The following RBFOX1 variants were observed in gnomAD, a reference collection of about 807,000 sequenced individuals.
RBFOX1 encodes the protein RNA binding protein fox-1 homolog 1.
Under a neutral mutation model 57.7 loss-of-function variants are expected in RBFOX1, and 8 were observed. The observed-to-expected ratio is 0.14, with a 90% CI of 0.08 to 0.25. The LOEUF (loss-of-function observed/expected upper bound fraction) is 0.25, where lower values mean the gene tolerates loss of function less well. Ranked by LOEUF, RBFOX1 falls within the 10% of genes least tolerant of loss-of-function variation. The pLI is 1.00. For synonymous variants in RBFOX1, 326 were observed against 222.4 expected (o/e 1.47, Z -4.15); for missense variants, 611 against 548.5 (o/e 1.11, Z -1.14).
chr16:6,532,437 C>T (rs181652566), intron 2 of RBFOX1, among the ~76,000 whole-genome samples: 120 of 152,278 alleles, frequency 7.9e-4, no homozygotes, highest in African/African-American at 2.7e-3. Context: ...ACTGTTTCCT[C>T]ATTTCTTGAA....
At chr16:7,292,188 TATA>T (rs2095796091) in intron 4 of RBFOX1, among the ~76,000 whole-genome samples, 2 of 122,622 alleles carry the variant, frequency 1.6e-5, no homozygotes, top group African/African-American at 6.1e-5. Flanking sequence ...TCATATATGA[TATA>T]GAACGTATTA....
At chr16:6,911,281 C>A (rs946020317) in intron 3 of RBFOX1, among the ~76,000 whole-genome samples, 1 of 151,576 alleles carries the variant, frequency 6.6e-6, no homozygotes. Context: ...TAACAAAGTT[C>A]CACAAACTAG....
chr16:7,635,660 A>T lies in RBFOX1; in HGVS notation c.757+4977A>T, dbSNP rs79975907. ...GACATTACATATATCAATCATATTT[A>T]GTTTCACATAATACATTGTGACCGT... On this transcript the variant is annotated intron_variant, in intron 11 of 15. Transcript: ENST00000550418. 9.2e-5 allele frequency among the ~76,000 whole-genome samples: 14 copies of T among 152,030 alleles called. No homozygotes were observed. The South Asian group carries it at 2.9e-3, about 32-fold the overall frequency.
chr16:6,747,708 AAT>A (rs1178256858), intron 3 of RBFOX1, among the ~76,000 whole-genome samples: 2 of 152,122 alleles, frequency 1.3e-5, no homozygotes, highest in Non-Finnish European at 2.9e-5. Flanking sequence ...CAAAAGCAGA[AAT>A]ATGTCTTCTG....
intron 4 of RBFOX1, among the ~76,000 whole-genome samples, chr16:5,874,029 A>G (rs1371793689): frequency 6.6e-6 from 1 of 152,230 alleles, no homozygotes; most frequent in Non-Finnish European, 1.5e-5. Flanking sequence ...AGGGCCCAGC[A>G]TCCTCATGGA....
chr16:6,597,401 C>T (rs1368342737), intron 2 of RBFOX1, among the ~76,000 whole-genome samples: 3 of 152,014 alleles, frequency 2.0e-5, no homozygotes, highest in Non-Finnish European at 2.9e-5. Flanking sequence ...CAACCAGGCG[C>T]GGTGGCTCAC....
At chr16:5,284,426 G>T (rs1379563516) in intron 1 of RBFOX1, among the ~76,000 whole-genome samples, 1 of 152,064 alleles carries the variant, frequency 6.6e-6, no homozygotes, top group Non-Finnish European at 1.5e-5. Context: ...TTTCATGATG[G>T]TAGATATTGT....
In RBFOX1 at chr16:6,763,427, C is replaced by A. The variant is rs185781683; in HGVS notation, c.-16+108777C>A. 1.2e-4 allele frequency among the ~76,000 whole-genome samples: 18 copies of A among 152,280 alleles called. 1 individual carries two copies. Among genetic ancestry groups the A allele is most frequent in the African/African-American group, 4.3e-4 (18 of 41,556 alleles). ...CAACCATTCAACCAGCAAACTGTAT[C>A]TTCATGGGCCTGTACACCTGTCTTA... On this transcript the variant is annotated intron_variant, in intron 3 of 15. Coordinates refer to ENST00000550418, the MANE Select transcript of RBFOX1 (RefSeq NM_018723.4).
chr16:5,827,099 C>A (rs113692576), intron 3 of RBFOX1, among the ~76,000 whole-genome samples: 103 of 152,240 alleles, frequency 6.8e-4, no homozygotes, highest in African/African-American at 2.4e-3. Context: ...ATGAGACCCT[C>A]CTTTAAAGCT....
chr16:7,038,987 G>T, intron 3 of RBFOX1, among the ~76,000 whole-genome samples: 1 of 152,234 alleles, frequency 6.6e-6, no homozygotes, highest in Middle Eastern at 3.4e-3. Flanking sequence ...CTTATAGCCA[G>T]AGCAGTGACT....
chr16:5,271,400 C>G (rs2063003169), intron 1 of RBFOX1, among the ~76,000 whole-genome samples: 1 of 152,224 alleles, frequency 6.6e-6, no homozygotes. Context: ...CATACCCAGG[C>G]TCTACCTCCG....
At chr16:6,726,959 A>G (rs1013689101) in intron 3 of RBFOX1, among the ~76,000 whole-genome samples, 5 of 151,842 alleles carry the variant, frequency 3.3e-5, no homozygotes, top group Non-Finnish European at 7.4e-5. Flanking sequence ...GGCACAGCCT[A>G]TGTGCTACCC....
At chr16:5,319,644 G>A (rs1209346908) in intron 1 of RBFOX1, among the ~76,000 whole-genome samples, 2 of 152,178 alleles carry the variant, frequency 1.3e-5, no homozygotes, top group Non-Finnish European at 2.9e-5. Context: ...CCGTTTCAGT[G>A]TCATATATTA....
At chr16:6,163,790 A>G (rs1465019542) in intron 1 of RBFOX1, among the ~76,000 whole-genome samples, 2 of 152,202 alleles carry the variant, frequency 1.3e-5, no homozygotes, top group African/African-American at 2.4e-5. Flanking sequence ...ATGTGTACCT[A>G]TAGGAATATT....
chr16:5,432,471 G>A (rs961389682), intron 1 of RBFOX1, among the ~76,000 whole-genome samples: 2 of 150,330 alleles, frequency 1.3e-5, no homozygotes, highest in Non-Finnish European at 3.0e-5. Context: ...TATTGGTGTT[G>A]GATTAAGTTA....
At chr16:7,640,674 G>C (rs1440043872) in intron 11 of RBFOX1, among the ~76,000 whole-genome samples, 1 of 152,184 alleles carries the variant, frequency 6.6e-6, no homozygotes, top group Non-Finnish European at 1.5e-5. Flanking sequence ...GAAACCCCAA[G>C]TCCTGTGATA....
intron 3 of RBFOX1, among the ~76,000 whole-genome samples, chr16:5,843,955 T>A (rs563092708): frequency 8.5e-4 from 129 of 152,316 alleles, no homozygotes; most frequent in African/African-American, 3.0e-3. Context: ...CAGAAGAGTT[T>A]CCCTAGAGGG....
chr16:7,467,797 C>T (rs6500972), intron 4 of RBFOX1, among the ~76,000 whole-genome samples: 152,069 of 152,322 alleles, frequency 1, 75,910 homozygotes, highest in Middle Eastern at 1. Context: ...ATTACTTTTG[C>T]CCTGCCTGAC....
intron 1 of RBFOX1, chr16:5,240,240 C>T (rs2062130902): frequency 2.9e-6 from 2 of 682,890 alleles, no homozygotes; most frequent in East Asian, 5.8e-5. Context: ...CCGGCGGGCG[C>T]GGAGTGACAG....
Sources: allele counts gnomAD v4.1 joint callset (sites outside exome capture counted in the v4.1 genomes callset), GRCh38; gene constraint gnomAD v4.1.1; transcripts MANE v1.5; gene names NCBI Gene and HGNC (gene_info 2026-07-23, HGNC 2026-07-21).